The following STRN4 variants were observed in gnomAD, a reference collection of about 807,000 sequenced individuals.
STRN4 encodes striatin-4.
STRN4 carries 27 observed loss-of-function variants against 77.9 expected under a neutral mutation model. That is an observed-to-expected ratio of 0.35 (90% CI 0.26 to 0.48). STRN4 has a LOEUF of 0.48. Ranked by LOEUF, STRN4 falls within the 20% of genes least tolerant of loss-of-function variation. The probability of loss-of-function intolerance (pLI) is 0.99; values close to 1 mark genes in which losing one functional copy is unlikely to be tolerated. For synonymous variants in STRN4, 466 were observed against 443.1 expected, an observed-to-expected ratio of 1.05 and a Z score of -0.65; for missense variants, 798 against 1,049.7, an observed-to-expected ratio of 0.76 and a Z score of 3.31.
intron 13 of STRN4, 49 bp from the exon 14 acceptor site, chr19:46,722,999 C>A (rs535533993): frequency 6.8e-6 from 11 of 1,607,828 alleles, no homozygotes; most frequent in Middle Eastern, 1.7e-4. Flanking sequence ...TCAGACCCAG[C>A]CCTGCCCCAG....
chr19:46,724,998 G>A (rs1482174316), intron 11 of STRN4, 70 bp from the exon 12 acceptor site: 1 of 1,603,082 alleles, frequency 6.2e-7, no homozygotes, highest in Non-Finnish European at 8.5e-7. Context: ...CAGGACCTAA[G>A]TTCCCTACTA....
chr19:46,731,729 A>C (rs1599877799), intron 5 of STRN4: 1 of 152,506 alleles, frequency 6.6e-6, no homozygotes, highest in Non-Finnish European at 1.5e-5. Context: ...CGACACTGAC[A>C]CGCCGCACAG....
At chr19:46,729,169 AAC>A (rs1446171957) in intron 6 of STRN4, among the ~76,000 whole-genome samples, 1 of 152,194 alleles carries the variant, frequency 6.6e-6, no homozygotes, top group Non-Finnish European at 1.5e-5. Flanking sequence ...TGCAGCGATA[AAC>A]ACAGCACCAG....
intron 1 of STRN4, chr19:46,740,404 T>C (rs975976003): frequency 1.4e-4 from 22 of 152,302 alleles, no homozygotes; most frequent in Admixed American, 1.3e-3. Context: ...CACATATGTA[T>C]ATAAACATCC....
At chr19:46,744,908 G>GTT in intron 1 of STRN4, among the ~76,000 whole-genome samples, 1 of 152,026 alleles carries the variant, frequency 6.6e-6, no homozygotes, top group South Asian at 2.1e-4. Flanking sequence ...TGGACCTGAC[G>GTT]CTCCACGAGG....
At position 46,733,533 on chromosome 19, in the gene STRN4, T is replaced by G. The variant is rs2054298790; in HGVS notation, c.540-297A>C. ...AGGGGCTGTGTCAGCAAATGACTCATAGCGCTGCAAGGCAGAAGATCAACA... is the reference window on the plus strand; with the variant it reads ...AGGGGCTGTGTCAGCAAATGACTCAGAGCGCTGCAAGGCAGAAGATCAACA... On this transcript the variant is annotated intron_variant, in intron 4 of 17. Coordinates refer to ENST00000263280, the MANE Select transcript of STRN4 (RefSeq NM_013403.3). This position sits in a 1 kb window ranked among gnomAD's most constrained non-coding sequence, Gnocchi z 4.3. The G allele has an allele frequency of 8.1e-6, 3 of 368,768 alleles. No individual in the cohort carries two copies. Among genetic ancestry groups the G allele is most frequent in the South Asian group, 3.4e-5 (1 of 29,496 alleles). 22.8% of individuals were successfully genotyped at this position (368,768 alleles called of 1,614,324 possible). A position where few individuals can be genotyped will look rare whatever the true frequency, so the allele number is the denominator to read the frequency against.
rs1298422463 is a variant in STRN4 at position 46,733,161 on chromosome 19, G to C, written c.615C>G (p.Arg205=). ...CCACTGCCCCGTTGAGCTCCAGCGA[G>C]CGGCCCAGCAGGGAACGGACGCGCT... The part of the protein sequence containing the change: ...RSKRVRSLLG[R]SLELNGAVEP... The change falls in exon 5 of 18, where the codon CGC becomes CGG. Residue 205 remains arginine (R), a synonymous_variant. Transcript: ENST00000263280. This position sits in a 1 kb window ranked among gnomAD's most constrained non-coding sequence, Gnocchi z 4.3. 1.2e-6 allele frequency: 2 copies of C among 1,611,890 alleles called. No homozygotes were observed. Among genetic ancestry groups the C allele is most frequent in the African/African-American group, 2.7e-5 (2 of 74,942 alleles).
intron 3 of STRN4, 44 bp from the exon 4 acceptor site, chr19:46,736,945 C>A (rs756617008): frequency 2.5e-6 from 4 of 1,593,834 alleles, no homozygotes; most frequent in Non-Finnish European, 1.7e-6. Flanking sequence ...CAGGCCACTG[C>A]CACCTACCCA....
Position 46,723,196 on chromosome 19 carries a change from G to C in STRN4, c.1683C>G (p.Ser561=), listed in dbSNP as rs2054022730. 1.9e-6 allele frequency: 3 copies of C among 1,557,516 alleles called. No individual in the cohort carries two copies. The highest frequency in any genetic ancestry group is 2.6e-6 in the Non-Finnish European group (3 of 1,151,442). ...TGCGGACGGTGCCATCAGCAGAACA[G>C]GAGGCCAGGCGCTGGGAGGTGGGAC... The part of the protein sequence containing the change: ...AFSPTSQRLA[S]CSADGTVRIW... The change falls in exon 13 of 18, where the codon TCC becomes TCG. Residue 561 remains serine, a synonymous_variant. Transcript: ENST00000263280. This position sits in a 1 kb window ranked among gnomAD's most constrained non-coding sequence, Gnocchi z 5.5.
rs762743162 is a variant in STRN4 at position 46,723,321 on chromosome 19, G to C, written c.1595-37C>G. 2.6e-6 allele frequency: 4 copies of C among 1,515,460 alleles called. No individual in the cohort carries two copies. The South Asian group carries it at 4.9e-5, about 18-fold the overall frequency. The allele number at this position is 1,515,460 out of a possible 1,614,324, so 93.9% of individuals were successfully genotyped here. A position where few individuals can be genotyped will look rare whatever the true frequency, so the allele number is the denominator to read the frequency against. The stretch of plus-strand genomic sequence containing the variant: ...GCAGGGAGGAAATGGGCTGTGTCAG[G>C]GCTGCCAGCTCCTCCCTGGACAGCC... On this transcript the variant is annotated intron_variant, in intron 12 of 17. Transcript: ENST00000263280. This position sits in a 1 kb window ranked among gnomAD's most constrained non-coding sequence, Gnocchi z 5.5.
chr19:46,746,094 A>AGGCCAGGCCG, intron 1 of STRN4, 55 bp downstream of exon 1: 3 of 1,244,372 alleles, frequency 2.4e-6, no homozygotes, highest in Non-Finnish European at 3.0e-6. Context: ...GCAGCGGGTG[A>AGGCCAGGCCG]GGCCGGGCCG....
At position 46,723,382 on chromosome 19, in the gene STRN4, G is replaced by A. The variant is rs1248196206; in HGVS notation, c.1595-98C>T. 7.0e-6 allele frequency: 10 copies of A among 1,419,354 alleles called. No homozygotes were observed. The Admixed American group carries it at 1.8e-4, about 25-fold the overall frequency. 87.9% of individuals were successfully genotyped at this position (1,419,354 alleles called of 1,614,324 possible). ...GCTCTGCCAAGCCCCAGGCAGCTGG[G>A]CTCCAATCACCCACGCACCCACTTC... On this transcript the variant is annotated intron_variant, in intron 12 of 17. Coordinates refer to ENST00000263280, the MANE Select transcript of STRN4 (RefSeq NM_013403.3). This position sits in a 1 kb window ranked among gnomAD's most constrained non-coding sequence, Gnocchi z 5.5.
intron 5 of STRN4, chr19:46,731,865 G>T (rs150649704): frequency 6.6e-6 from 1 of 152,442 alleles, no homozygotes; most frequent in South Asian, 2.1e-4. Context: ...CACTGCAGAC[G>T]GCCATGGCTT....
rs753644003 is a variant in STRN4, at chr19:46,725,692, A to T, written c.1249-44T>A. The stretch of plus-strand genomic sequence containing the variant: ...GCCTCAGTGTCTTCGCATCCATCCC[A>T]GCAGTCATGCAGACACCGACACCCA... On this transcript the variant is annotated intron_variant, in intron 9 of 17. Transcript: ENST00000263280. The T allele has an allele frequency of 1.9e-6, 3 of 1,598,810 alleles. No individual in the cohort carries two copies. In the South Asian group the frequency reaches 3.3e-5, roughly 18 times the overall value.
In STRN4 at chr19:46,729,722, C is replaced by A. The variant is rs377098079; in HGVS notation, c.880-945G>T. On this transcript the variant is annotated intron_variant, in intron 6 of 17. Transcript: ENST00000263280. ...AGGGCTCCACCACTACCAAGTGCCA[C>A]CAGCGCCACTAACACCTACTGAGCA... Among the ~76,000 whole-genome samples the A allele has an allele frequency of 1.1e-4, 17 of 152,332 alleles. No individual in the cohort carries two copies. In the East Asian group the frequency reaches 3.1e-3, roughly 28 times the overall value.
At chr19:46,736,454 T>C (rs1214069568) in intron 4 of STRN4, 3 of 189,240 alleles carry the variant, frequency 1.6e-5, no homozygotes, top group African/African-American at 5.0e-5. Flanking sequence ...TAATTTAATA[T>C]TACCCTTGGG....
At chr19:46,735,213 C>T (rs997293489) in intron 4 of STRN4, among the ~76,000 whole-genome samples, 3 of 151,670 alleles carry the variant, frequency 2.0e-5, no homozygotes, top group South Asian at 2.1e-4. Context: ...GGCTGAAGCA[C>T]GAGAATCACT....
chr19:46,732,769 A>G, intron 5 of STRN4: 1 of 447,940 alleles, frequency 2.2e-6, no homozygotes, highest in Non-Finnish European at 4.0e-6. Context: ...TAAGCACCCC[A>G]CTCGACCGAG....
At chr19:46,728,199 T>G (rs544509933) in intron 7 of STRN4, 192 bp from the exon 8 acceptor site, 9 of 702,260 alleles carry the variant, frequency 1.3e-5, no homozygotes, top group Non-Finnish European at 2.1e-5. Context: ...GGCAGGTCAC[T>G]GCCTTGCCTA....
Sources: allele counts gnomAD v4.1 joint callset (sites outside exome capture counted in the v4.1 genomes callset), GRCh38; gene constraint gnomAD v4.1.1; non-coding constraint Gnocchi (gnomAD v3.1); transcripts MANE v1.5; gene names NCBI Gene and HGNC (gene_info 2026-07-23, HGNC 2026-07-21).